The following RASGRP1 variants were observed in gnomAD, a reference collection of about 807,000 sequenced individuals.
The protein encoded by RASGRP1 is RAS guanyl-releasing protein 1.
Under a neutral mutation model 95.1 loss-of-function variants are expected in RASGRP1, and 37 were observed. The ratio of observed to expected loss-of-function variants is 0.39; its 90% CI spans 0.30 to 0.51. The LOEUF is 0.51. Among genes scored for constraint, RASGRP1 ranks in the 20% least tolerant of loss-of-function variants. The pLI is 0.80. For synonymous variants in RASGRP1, 325 were observed against 353.4 expected (o/e 0.92, Z 0.90); for missense variants, 711 against 965.4 (o/e 0.74, Z 3.49).
At chr15:38,558,069 G>A (rs1011244869) in intron 2 of RASGRP1, among the ~76,000 whole-genome samples, 5 of 152,068 alleles carry the variant, frequency 3.3e-5, no homozygotes, top group Admixed American at 1.3e-4. Flanking sequence ...CATGTTTCTC[G>A]TCCCTCTTTT....
intron 1 of RASGRP1, among the ~76,000 whole-genome samples, chr15:38,562,114 A>G (rs1893832307): frequency 6.6e-6 from 1 of 152,230 alleles, no homozygotes. Flanking sequence ...TTTAATAAAT[A>G]TTGACTGTGC....
chr15:38,491,504 G>A (rs1367646651), intron 16 of RASGRP1, among the ~76,000 whole-genome samples: 1 of 152,144 alleles, frequency 6.6e-6, no homozygotes, highest in Non-Finnish European at 1.5e-5. Context: ...CTGCAGAGTT[G>A]AGCCTTGGTA....
At chr15:38,502,003 C>T (rs1223505126) in intron 12 of RASGRP1, among the ~76,000 whole-genome samples, 3 of 148,560 alleles carry the variant, frequency 2.0e-5, no homozygotes, top group Admixed American at 6.8e-5. Flanking sequence ...TACAGGTGCC[C>T]ACCACCACAC....
intron 2 of RASGRP1, among the ~76,000 whole-genome samples, chr15:38,557,724 A>G (rs1436488988): frequency 6.6e-6 from 1 of 151,864 alleles, no homozygotes; most frequent in Non-Finnish European, 1.5e-5. Flanking sequence ...CTTCTTGAGC[A>G]CTGCCTAGCA....
chr15:38,526,412 T>C lies in RASGRP1; in HGVS notation c.221-8A>G, dbSNP rs200323559. ...ACAGGTTTCCATCTGCATCTGAAAATATAAAGAGCAGCACCTGAGTTAGGC... is the reference window on the plus strand; with the variant it reads ...ACAGGTTTCCATCTGCATCTGAAAACATAAAGAGCAGCACCTGAGTTAGGC... On this transcript the variant is annotated splice_polypyrimidine_tract_variant and splice_region_variant and intron_variant, in intron 2 of 16. Coordinates refer to ENST00000310803, the MANE Select transcript of RASGRP1 (RefSeq NM_005739.4). 231 of 1,610,590 alleles carry C rather than the reference T, an allele frequency of 1.4e-4. No individual in the cohort carries two copies. Among genetic ancestry groups the C allele is most frequent in the Non-Finnish European group, 1.9e-4 (222 of 1,177,458 alleles).
chr15:38,503,644 T>G, intron 10 of RASGRP1: 5 of 455,158 alleles, frequency 1.1e-5, no homozygotes, highest in South Asian at 2.6e-5. Context: ...TGAGTTGCAA[T>G]TCCCTCTCCA....
intron 2 of RASGRP1, among the ~76,000 whole-genome samples, chr15:38,543,344 C>G (rs1213489579): frequency 6.6e-6 from 1 of 151,958 alleles, no homozygotes; most frequent in East Asian, 1.9e-4. Context: ...ATCAACTGAC[C>G]GTATATGTAG....
At chr15:38,542,880 TATACAC>T (rs1291260086) in intron 2 of RASGRP1, among the ~76,000 whole-genome samples, 2 of 142,334 alleles carry the variant, frequency 1.4e-5, no homozygotes, top group Non-Finnish European at 3.1e-5. Context: ...TGTGTATATA[TATACAC>T]ATATATGTGT....
intron 5 of RASGRP1, among the ~76,000 whole-genome samples, chr15:38,516,564 T>C (rs1439126223): frequency 4.6e-5 from 7 of 152,100 alleles, no homozygotes; most frequent in African/African-American, 7.2e-5. Context: ...GTGAGCCTTT[T>C]AAGTGTGCAG....
At chr15:38,553,212 A>G (rs1893407752) in intron 2 of RASGRP1, among the ~76,000 whole-genome samples, 1 of 152,234 alleles carries the variant, frequency 6.6e-6, no homozygotes, top group African/African-American at 2.4e-5. Context: ...CTGTAACTCC[A>G]GAACAAGACA....
chr15:38,563,755 C>T (rs939514123), intron 1 of RASGRP1, among the ~76,000 whole-genome samples: 1 of 152,158 alleles, frequency 6.6e-6, no homozygotes, highest in Non-Finnish European at 1.5e-5. Context: ...AAGAATCCTT[C>T]GTTCCTGGGA....
intron 15 of RASGRP1, among the ~76,000 whole-genome samples, chr15:38,497,643 A>G (rs768703101): frequency 2.0e-5 from 3 of 152,074 alleles, no homozygotes; most frequent in Non-Finnish European, 4.4e-5. Context: ...ATACTCTTGC[A>G]TTGTTTCTAA....
At chr15:38,502,453 A>G (rs761121950) in intron 11 of RASGRP1, 32 bp from the exon 12 acceptor site, 2 of 1,364,158 alleles carry the variant, frequency 1.5e-6, no homozygotes, top group Non-Finnish European at 2.1e-6. Flanking sequence ...GGTGATTACT[A>G]AAGAGAAACC....
intron 2 of RASGRP1, among the ~76,000 whole-genome samples, chr15:38,537,568 C>T (rs1892703741): frequency 6.6e-6 from 1 of 152,132 alleles, no homozygotes; most frequent in Non-Finnish European, 1.5e-5. Flanking sequence ...AGCAGTGGGG[C>T]CCTGTCCTAG....
At position 38,502,781 on chromosome 15, in the gene RASGRP1, T is replaced by C. The variant is rs950323742; in HGVS notation, c.1429-360A>G. 5 of 246,392 alleles carry C rather than the reference T, an allele frequency of 2.0e-5. No individual in the cohort carries two copies. In the South Asian group the frequency reaches 3.5e-4, roughly 17 times the overall value. 15.3% of individuals were successfully genotyped at this position (246,392 alleles called of 1,614,324 possible). ...TGAGAAGCTTCTACAAACAGCCCAG[T>C]TGGAAGTGCTCTGTCCCCACTGTTA... On this transcript the variant is annotated intron_variant, in intron 11 of 16. Transcript: ENST00000310803.
chr15:38,515,910 A>AGTGTGTGT lies in RASGRP1; in HGVS notation c.675+279_675+286dup, dbSNP rs1555401575. 2.7e-3 allele frequency among the ~76,000 whole-genome samples: 392 copies of AGTGTGTGT among 143,532 alleles called. 2 individuals carry two copies. Among genetic ancestry groups the AGTGTGTGT allele is most frequent in the Admixed American group, 5.6e-3 (81 of 14,410 alleles). The allele number at this position is 143,532 out of a possible 152,430, so 94.2% of individuals were successfully genotyped here. On this transcript the variant is annotated intron_variant, in intron 6 of 16. Transcript: ENST00000310803. ...GACAGAGAGAGAGAGAGAGAGAGAGAGTGTGTGTGTGTGTGTGTGATGTGT... is the reference window on the plus strand; with the variant it reads ...GACAGAGAGAGAGAGAGAGAGAGAGAGTGTGTGTGTGTGTGTGTGTGTGTGTGATGTGT...
chr15:38,528,658 T>C (rs1003964470), intron 2 of RASGRP1, among the ~76,000 whole-genome samples: 3 of 152,174 alleles, frequency 2.0e-5, no homozygotes, highest in Non-Finnish European at 4.4e-5. Flanking sequence ...GTCCTCCCGC[T>C]TTTTCTTTTA....
chr15:38,502,439 T>C lies in RASGRP1; in HGVS notation c.1429-18A>G, dbSNP rs1166250154. ...AAGACAGACTGTGAAAAAGGAGTTTTTTTGGTGATTACTAAAGAGAAACCG... is the reference window on the plus strand; with the variant it reads ...AAGACAGACTGTGAAAAAGGAGTTTCTTTGGTGATTACTAAAGAGAAACCG... On this transcript the variant is annotated intron_variant, in intron 11 of 16. Transcript: ENST00000310803. The C allele has an allele frequency of 6.8e-7, 1 of 1,478,794 alleles. No homozygotes were observed. The highest frequency in any genetic ancestry group is 9.4e-7 in the Non-Finnish European group (1 of 1,061,250). The allele number at this position is 1,478,794 out of a possible 1,614,324, so 91.6% of individuals were successfully genotyped here.
intron 2 of RASGRP1, 119 bp downstream of exon 2, chr15:38,559,702 G>C (rs1477998230): frequency 3.7e-6 from 4 of 1,079,324 alleles, no homozygotes; most frequent in Non-Finnish European, 5.3e-6. Context: ...CATTTCAAAG[G>C]CTCAAAAGCT....
Sources: allele counts gnomAD v4.1 joint callset (sites outside exome capture counted in the v4.1 genomes callset), GRCh38; gene constraint gnomAD v4.1.1; transcripts MANE v1.5; gene names NCBI Gene and HGNC (gene_info 2026-07-23, HGNC 2026-07-21).